CNTN4: variants seen among roughly 807,000 people sequenced by gnomAD.
CNTN4 encodes the protein contactin 4.
CNTN4 carries 77 observed loss-of-function variants against 122.5 expected under a neutral mutation model. That is an observed-to-expected ratio of 0.63 (90% CI 0.52 to 0.76). The LOEUF is 0.76. CNTN4 is among the 30% of genes least tolerant of loss of function. CNTN4 has a pLI of 0.00. For missense variants in CNTN4, 1,256 were observed against 1,259.1 expected (o/e 1.00, Z 0.04); for synonymous variants, 512 against 447.0 (o/e 1.15, Z -1.83).
At chr3:2,909,159 T>G (rs2094271476) in intron 12 of CNTN4, among the ~76,000 whole-genome samples, 1 of 152,194 alleles carries the variant, frequency 6.6e-6, no homozygotes, top group Admixed American at 6.5e-5. Context: ...ATGTGCTGAG[T>G]GTGATCAGCA....
intron 2 of CNTN4, among the ~76,000 whole-genome samples, chr3:2,160,018 C>T (rs1353436366): frequency 6.6e-6 from 1 of 152,056 alleles, no homozygotes; most frequent in Non-Finnish European, 1.5e-5. Context: ...CTCTGTCTTC[C>T]TAATTTCTTA....
At chr3:2,353,961 A>T (rs1024094931) in intron 3 of CNTN4, among the ~76,000 whole-genome samples, 6 of 152,236 alleles carry the variant, frequency 3.9e-5, no homozygotes, top group African/African-American at 1.4e-4. Context: ...CTTGATGACA[A>T]TGATGACAGC....
At chr3:2,270,080 G>C (rs1242470073) in intron 2 of CNTN4, among the ~76,000 whole-genome samples, 3 of 89,646 alleles carry the variant, frequency 3.3e-5, no homozygotes, top group African/African-American at 1.0e-4. Context: ...CTCCCCAGTA[G>C]CTGGGACTAC....
Position 2,270,228 on chromosome 3 carries a change from C to A in CNTN4, c.-144-68950C>A, listed in dbSNP as rs1403602108. ...CCTCCCAAAGTGCTGGGATTACAGG[C>A]GTGAGCCACCGCGCCCGGCCTATTT... On this transcript the variant is annotated intron_variant, in intron 2 of 24. Transcript: ENST00000418658. 3.4e-5 allele frequency among the ~76,000 whole-genome samples: 5 copies of A among 148,432 alleles called. 1 individual carries two copies. The highest frequency in any genetic ancestry group is 6.0e-5 in the Non-Finnish European group (4 of 67,008).
At chr3:2,555,481 A>T (rs1470185132) in intron 3 of CNTN4, among the ~76,000 whole-genome samples, 2 of 152,202 alleles carry the variant, frequency 1.3e-5, no homozygotes, top group Non-Finnish European at 2.9e-5. Flanking sequence ...ATAAAGACAA[A>T]GGTTAGAATA....
At chr3:2,597,292 T>C (rs888743039) in intron 4 of CNTN4, among the ~76,000 whole-genome samples, 7 of 152,154 alleles carry the variant, frequency 4.6e-5, no homozygotes, top group Non-Finnish European at 8.8e-5. Flanking sequence ...TAATAAGGAC[T>C]ACAACATTGG....
intron 18 of CNTN4, 22 bp from the exon 19 acceptor site, chr3:3,038,911 T>A (rs1234495661): frequency 6.2e-7 from 1 of 1,612,910 alleles, no homozygotes; most frequent in Non-Finnish European, 8.5e-7. Context: ...TGACATAACT[T>A]GTTTTTTGTC....
chr3:2,997,110 A>C (rs1695605450), intron 14 of CNTN4, among the ~76,000 whole-genome samples: 2 of 152,342 alleles, frequency 1.3e-5, no homozygotes, highest in South Asian at 4.1e-4. Flanking sequence ...GTTGTTTTCA[A>C]ACTATGGAGT....
chr3:2,551,190 T>C (rs2078489178), intron 3 of CNTN4, among the ~76,000 whole-genome samples: 1 of 152,146 alleles, frequency 6.6e-6, no homozygotes, highest in African/African-American at 2.4e-5. Flanking sequence ...CAGGTTTGCA[T>C]TAATTCCTTC....
At chr3:2,263,443 G>A (rs538277630) in intron 2 of CNTN4, among the ~76,000 whole-genome samples, 9 of 152,094 alleles carry the variant, frequency 5.9e-5, no homozygotes, top group Admixed American at 1.3e-4. Context: ...ATCACTGAGC[G>A]TATATACCGA....
At chr3:2,413,023 T>C (rs1559530363) in intron 3 of CNTN4, among the ~76,000 whole-genome samples, 1 of 152,244 alleles carries the variant, frequency 6.6e-6, no homozygotes, top group Non-Finnish European at 1.5e-5. Flanking sequence ...ACATTATTTT[T>C]ATTCAAAAAT....
At chr3:2,331,900 A>T (rs929581727) in intron 2 of CNTN4, among the ~76,000 whole-genome samples, 1 of 151,984 alleles carries the variant, frequency 6.6e-6, no homozygotes, top group Admixed American at 6.6e-5. Context: ...TGGGCTGCGG[A>T]GTTATCTTGT....
chr3:2,577,334 G>T (rs928523970), intron 4 of CNTN4, among the ~76,000 whole-genome samples: 3 of 152,116 alleles, frequency 2.0e-5, no homozygotes, highest in Non-Finnish European at 4.4e-5. Context: ...GACTGTGTAT[G>T]TATTAATAGA....
At chr3:2,222,114 C>T (rs1449789233) in intron 2 of CNTN4, among the ~76,000 whole-genome samples, 2 of 152,246 alleles carry the variant, frequency 1.3e-5, no homozygotes, top group East Asian at 1.9e-4. Flanking sequence ...TTTATAACAG[C>T]ATGATTCATA....
At chr3:3,049,905 T>C (rs1008305151) in intron 23 of CNTN4, among the ~76,000 whole-genome samples, 15 of 152,224 alleles carry the variant, frequency 9.9e-5, no homozygotes, top group African/African-American at 3.4e-4. Context: ...GACAGGAATA[T>C]AGATCACTGG....
intron 3 of CNTN4, among the ~76,000 whole-genome samples, chr3:2,421,898 A>G (rs1005714764): frequency 6.6e-6 from 1 of 152,174 alleles, no homozygotes; most frequent in Non-Finnish European, 1.5e-5. Flanking sequence ...GCTCAACAAC[A>G]CACAAGGAAG....
chr3:2,961,147 G>A (rs939834586), intron 13 of CNTN4, among the ~76,000 whole-genome samples: 4 of 139,524 alleles, frequency 2.9e-5, no homozygotes, highest in African/African-American at 5.2e-5. Context: ...GGAGAATGGC[G>A]TGAACCCGGG....
chr3:2,781,563 G>A (rs2091567586), intron 6 of CNTN4, among the ~76,000 whole-genome samples: 1 of 152,080 alleles, frequency 6.6e-6, no homozygotes. Flanking sequence ...AGGAGGTCCT[G>A]AGAACATGTG....
At chr3:2,381,458 G>A (rs183975464) in intron 3 of CNTN4, among the ~76,000 whole-genome samples, 2 of 152,236 alleles carry the variant, frequency 1.3e-5, no homozygotes, top group East Asian at 3.9e-4. Flanking sequence ...CTCTTACTTA[G>A]CTATCACTAG....
Sources: gnomAD v4.1 joint callset for allele counts (sites outside exome capture counted in the v4.1 genomes callset) on GRCh38, gnomAD v4.1.1 for gene constraint, MANE v1.5 for transcripts, NCBI Gene and HGNC (gene_info 2026-07-23, HGNC 2026-07-21) for gene names.